The following RXRA variants were observed in gnomAD, a reference collection of about 807,000 sequenced individuals.
RXRA encodes the protein retinoid X receptor alpha.
Under a neutral mutation model 44.5 loss-of-function variants are expected in RXRA, and 5 were observed. The observed-to-expected ratio is 0.11, with a 90% CI of 0.06 to 0.24. RXRA has a LOEUF of 0.24. Ranked by LOEUF, RXRA falls within the 10% of genes least tolerant of loss-of-function variation. The probability of loss-of-function intolerance (pLI) is 1.00; values close to 1 mark genes in which losing one functional copy is unlikely to be tolerated. For missense variants in RXRA, 412 were observed against 646.5 expected (o/e 0.64, Z 3.93); for synonymous variants, 291 against 271.4 (o/e 1.07, Z -0.71).
chr9:134,374,907 G>A (rs1359057625), intron 1 of RXRA, among the ~76,000 whole-genome samples: 1 of 152,198 alleles, frequency 6.6e-6, no homozygotes, highest in South Asian at 2.1e-4. Context: ...CTGTAGGTCT[G>A]TACTTGGCAC....
intron 4 of RXRA, among the ~76,000 whole-genome samples, chr9:134,411,525 C>A (rs1396281297): frequency 6.6e-6 from 1 of 152,216 alleles, no homozygotes; most frequent in African/African-American, 2.4e-5. Context: ...AGGGCCAGCA[C>A]CAGGCGTGGC....
At chr9:134,358,415 A>C (rs1830310202) in intron 1 of RXRA, among the ~76,000 whole-genome samples, 1 of 152,196 alleles carries the variant, frequency 6.6e-6, no homozygotes, top group Non-Finnish European at 1.5e-5. Context: ...GGTAACAGGG[A>C]ACATATGGGG....
chr9:134,354,274 G>A (rs1402200194), intron 1 of RXRA, among the ~76,000 whole-genome samples: 1 of 152,206 alleles, frequency 6.6e-6, no homozygotes, highest in Non-Finnish European at 1.5e-5. Flanking sequence ...CTAATCTAAT[G>A]TCTCCCTTCT....
intron 1 of RXRA, among the ~76,000 whole-genome samples, chr9:134,379,015 C>T (rs1175040231): frequency 6.6e-6 from 1 of 152,212 alleles, no homozygotes; most frequent in Non-Finnish European, 1.5e-5. Flanking sequence ...GGGGGTGGAC[C>T]TCAGCCGCCA....
At chr9:134,387,954 G>A (rs1169340089) in intron 1 of RXRA, among the ~76,000 whole-genome samples, 1 of 152,198 alleles carries the variant, frequency 6.6e-6, no homozygotes, top group Non-Finnish European at 1.5e-5. Context: ...TTTTGGAGGT[G>A]ACATTGGGGG....
intron 1 of RXRA, among the ~76,000 whole-genome samples, chr9:134,335,006 A>G (rs1829974849): frequency 6.6e-6 from 1 of 152,174 alleles, no homozygotes; most frequent in African/African-American, 2.4e-5. Flanking sequence ...GTCAGTCCCC[A>G]TGACGGTTAT....
At chr9:134,351,472 G>A (rs972097039) in intron 1 of RXRA, among the ~76,000 whole-genome samples, 20 of 152,200 alleles carry the variant, frequency 1.3e-4, no homozygotes, top group Non-Finnish European at 2.1e-4. Flanking sequence ...TAAACTCTGC[G>A]TCTTCCCATG....
intron 8 of RXRA, among the ~76,000 whole-genome samples, chr9:134,432,644 G>A (rs1831551005): frequency 2.6e-5 from 4 of 152,288 alleles, no homozygotes; most frequent in Admixed American, 2.6e-4. Flanking sequence ...TGGCATGGGA[G>A]GGCCCCTTCA....
chr9:134,394,449 A>G (rs960611150), intron 1 of RXRA, among the ~76,000 whole-genome samples: 6 of 152,198 alleles, frequency 3.9e-5, no homozygotes, highest in African/African-American at 1.2e-4. Flanking sequence ...GTCAGTCAAG[A>G]CTGAAGGGTG....
At chr9:134,371,009 C>T (rs1564273640) in intron 1 of RXRA, among the ~76,000 whole-genome samples, 1 of 151,692 alleles carries the variant, frequency 6.6e-6, no homozygotes, top group Non-Finnish European at 1.5e-5. Flanking sequence ...GCCGCATCAG[C>T]CTCACTTGAG....
intron 1 of RXRA, among the ~76,000 whole-genome samples, chr9:134,337,812 C>T (rs782293722): frequency 7.9e-5 from 12 of 152,114 alleles, no homozygotes; most frequent in Non-Finnish European, 1.2e-4. Flanking sequence ...TCTGGGGGGT[C>T]GCCCAGAGAC....
chr9:134,374,403 G>C (rs930130325), intron 1 of RXRA, among the ~76,000 whole-genome samples: 32 of 152,364 alleles, frequency 2.1e-4, no homozygotes, highest in African/African-American at 7.7e-4. Context: ...GTCCCCAGCT[G>C]TCCTGAGGGG....
At chr9:134,373,346 C>T (rs2119085798) in intron 1 of RXRA, among the ~76,000 whole-genome samples, 1 of 152,234 alleles carries the variant, frequency 6.6e-6, no homozygotes, top group Middle Eastern at 3.4e-3. Context: ...GTGGTCCACG[C>T]CCGACTGTCT....
At position 134,407,999 on chromosome 9, in the gene RXRA, C is replaced by T. The variant is rs780965288; in HGVS notation, c.280-150C>T. 1.9e-5 allele frequency: 11 copies of T among 569,592 alleles called. No homozygotes were observed. The highest frequency in any genetic ancestry group is 5.8e-5 in the African/African-American group (3 of 51,400). 35.3% of individuals were successfully genotyped at this position (569,592 alleles called of 1,614,324 possible). On this transcript the variant is annotated intron_variant, in intron 2 of 9. Coordinates refer to ENST00000481739, the MANE Select transcript of RXRA (RefSeq NM_002957.6). This position sits in a 1 kb window ranked among gnomAD's most constrained non-coding sequence, Gnocchi z 4.8. ...CAGTGGCCCCGCTGCTCCGGAGCAGCGTGGCGGGTGGGGGGCACGGCCCTC... is the reference window on the plus strand; with the variant it reads ...CAGTGGCCCCGCTGCTCCGGAGCAGTGTGGCGGGTGGGGGGCACGGCCCTC...
intron 4 of RXRA, among the ~76,000 whole-genome samples, chr9:134,409,577 C>T (rs1054232017): frequency 6.6e-6 from 1 of 152,210 alleles, no homozygotes; most frequent in South Asian, 2.1e-4. Context: ...TGTGTCGGGG[C>T]GGTTTGCAGG....
At chr9:134,368,078 G>A (rs1434447935) in intron 1 of RXRA, among the ~76,000 whole-genome samples, 5 of 152,242 alleles carry the variant, frequency 3.3e-5, no homozygotes, top group Non-Finnish European at 7.3e-5. Flanking sequence ...GGAGCCTGCG[G>A]CAGCGGGCCT....
chr9:134,388,952 T>C (rs1022025233), intron 1 of RXRA, among the ~76,000 whole-genome samples: 1 of 152,180 alleles, frequency 6.6e-6, no homozygotes, highest in Non-Finnish European at 1.5e-5. Flanking sequence ...CATTTCTGGC[T>C]CCTCTCCTTC....
At chr9:134,435,933 G>A (rs928335704) in intron 9 of RXRA, among the ~76,000 whole-genome samples, 5 of 152,170 alleles carry the variant, frequency 3.3e-5, no homozygotes, top group Admixed American at 3.3e-4. Context: ...TGCTGCGATC[G>A]TAGCTCATTG....
intron 4 of RXRA, among the ~76,000 whole-genome samples, chr9:134,410,385 C>T (rs374552776): frequency 2.6e-5 from 4 of 152,200 alleles, no homozygotes; most frequent in East Asian, 1.9e-4. Context: ...TCAAGCCTTG[C>T]GCAGGGTCAC....
Sources: gnomAD v4.1 joint callset for allele counts (sites outside exome capture counted in the v4.1 genomes callset) on GRCh38, gnomAD v4.1.1 for gene constraint, Gnocchi (gnomAD v3.1) non-coding constraint, MANE v1.5 for transcripts, NCBI Gene and HGNC (gene_info 2026-07-23, HGNC 2026-07-21) for gene names.